MED12L: variants seen among roughly 807,000 people sequenced by gnomAD.
MED12L encodes mediator complex subunit 12L.
Under a neutral mutation model 281.3 loss-of-function variants are expected in MED12L, and 60 were observed. The ratio of observed to expected loss-of-function variants is 0.21; its 90% CI spans 0.17 to 0.26. The LOEUF is 0.26. Ranked by LOEUF, MED12L falls within the 10% of genes least tolerant of loss-of-function variation. The probability of loss-of-function intolerance (pLI) is 1.00; values close to 1 mark genes in which losing one functional copy is unlikely to be tolerated. For synonymous variants in MED12L, 974 were observed against 987.2 expected (o/e 0.99, Z 0.25); for missense variants, 2,146 against 2,680.9 (o/e 0.80, Z 4.41).
At chr3:151,405,662 C>A (rs1716212109) in intron 39 of MED12L, among the ~76,000 whole-genome samples, 1 of 152,102 alleles carries the variant, frequency 6.6e-6, no homozygotes. Context: ...TAAACAAAAA[C>A]AAACAAATCA....
At chr3:151,293,091 C>T (rs1184592906) in intron 16 of MED12L, among the ~76,000 whole-genome samples, 1 of 152,176 alleles carries the variant, frequency 6.6e-6, no homozygotes, top group Admixed American at 6.5e-5. Flanking sequence ...ATTAACCTCT[C>T]TGCTAAACCT....
chr3:151,390,673 A>G (rs1290172225), intron 38 of MED12L, among the ~76,000 whole-genome samples: 2 of 152,244 alleles, frequency 1.3e-5, no homozygotes, highest in African/African-American at 4.8e-5. Flanking sequence ...TGAAAAATGA[A>G]TTCAATTTTC....
In MED12L at chr3:151,119,976, TG is replaced by T. The variant is rs553833779; in HGVS notation, c.205-2801del. On this transcript the variant is annotated intron_variant, in intron 3 of 44. Transcript: ENST00000687756. ...GCTCACACCTGTAATCCCAGCACTT[TG>T]GGGGGCTGAGGCAGGTGGATTATCT... 5.0e-4 allele frequency among the ~76,000 whole-genome samples: 76 copies of T among 151,620 alleles called. 1 individual carries two copies. The highest frequency in any genetic ancestry group is 1.7e-3 in the African/African-American group (72 of 41,300).
intron 16 of MED12L, among the ~76,000 whole-genome samples, chr3:151,283,952 G>A (rs1577228382): frequency 6.6e-6 from 1 of 152,140 alleles, no homozygotes; most frequent in Non-Finnish European, 1.5e-5. Context: ...ATGACACGCC[G>A]CTTTATCAGA....
intron 16 of MED12L, chr3:151,337,763 G>A (rs1340995254): frequency 6.4e-7 from 1 of 1,556,222 alleles, no homozygotes; most frequent in Non-Finnish European, 8.8e-7. Flanking sequence ...TTAGCGCTTT[G>A]CTTTAACGAG....
chr3:151,340,103 T>C (rs1219313412), intron 16 of MED12L, among the ~76,000 whole-genome samples: 4 of 152,146 alleles, frequency 2.6e-5, no homozygotes, highest in Non-Finnish European at 5.9e-5. Flanking sequence ...ATTTTCAGCA[T>C]CTCCTCACCT....
chr3:151,277,711 A>G (rs1400969135), intron 16 of MED12L, among the ~76,000 whole-genome samples: 1 of 152,240 alleles, frequency 6.6e-6, no homozygotes, highest in Non-Finnish European at 1.5e-5. Context: ...ATGAACTCAA[A>G]TATTTGCTAT....
At chr3:151,093,314 C>A (rs1372076524) in intron 2 of MED12L, among the ~76,000 whole-genome samples, 1 of 152,114 alleles carries the variant, frequency 6.6e-6, no homozygotes, top group African/African-American at 2.4e-5. Flanking sequence ...TTAAAAAATG[C>A]AGATAAAGTG....
chr3:151,272,282 CTCAAG>C (rs1741094116), intron 16 of MED12L, among the ~76,000 whole-genome samples: 1 of 152,150 alleles, frequency 6.6e-6, no homozygotes, highest in Admixed American at 6.5e-5. Context: ...GTCAAGGTTT[CTCAAG>C]TCAAGAGGTC....
intron 16 of MED12L, among the ~76,000 whole-genome samples, chr3:151,291,153 T>G (rs1577244533): frequency 2.8e-5 from 1 of 35,224 alleles, no homozygotes; most frequent in South Asian, 1.3e-3. Flanking sequence ...GTTTTCTGTT[T>G]TTTTTTTTTT....
chr3:151,186,508 T>A (rs889251178), intron 12 of MED12L, among the ~76,000 whole-genome samples: 1 of 152,106 alleles, frequency 6.6e-6, no homozygotes, highest in Non-Finnish European at 1.5e-5. Context: ...TTCACCTTGG[T>A]ACTTCTACTC....
At chr3:151,275,864 G>T (rs1186835944) in intron 16 of MED12L, among the ~76,000 whole-genome samples, 3 of 152,124 alleles carry the variant, frequency 2.0e-5, no homozygotes, top group African/African-American at 7.2e-5. Context: ...TAGCTGTGCT[G>T]CTCAGACTTT....
At chr3:151,122,169 G>A (rs1444884403) in intron 3 of MED12L, among the ~76,000 whole-genome samples, 1 of 152,130 alleles carries the variant, frequency 6.6e-6, no homozygotes, top group Non-Finnish European at 1.5e-5. Context: ...CTCATTCAGA[G>A]CAGGTAATAC....
At chr3:151,248,987 A>G (rs1024538976) in intron 16 of MED12L, 3 of 152,200 alleles carry the variant, frequency 2.0e-5, no homozygotes, top group African/African-American at 7.2e-5. Flanking sequence ...CCAGTGGGAA[A>G]CACTGCATTA....
chr3:151,376,709 C>A (rs1164387551), intron 28 of MED12L, 91 bp from the exon 29 acceptor site: 2 of 1,040,590 alleles, frequency 1.9e-6, no homozygotes, highest in Non-Finnish European at 2.9e-6. Context: ...GATTATTCTG[C>A]TCTTTCTTGA....
chr3:151,432,922 T>C lies in MED12L; in HGVS notation c.*118T>C. ...TTTTCATTTCTTTGACATTTTACTATATTTTATGCTACATCTCACAAAAAA... is the reference window on the plus strand; with the variant it reads ...TTTTCATTTCTTTGACATTTTACTACATTTTATGCTACATCTCACAAAAAA... On this transcript the variant is annotated 3_prime_UTR_variant, in exon 45 of 45. Transcript: ENST00000687756. The C allele has an allele frequency of 1.4e-6, 1 of 719,174 alleles. No homozygotes were observed. Among genetic ancestry groups the C allele is most frequent in the Non-Finnish European group, 2.2e-6 (1 of 460,450 alleles). The allele number at this position is 719,174 out of a possible 1,614,324, so 44.5% of individuals were successfully genotyped here. A position where few individuals can be genotyped will look rare whatever the true frequency, so the allele number is the denominator to read the frequency against.
At chr3:151,368,784 C>G (rs1381838407) in intron 25 of MED12L, among the ~76,000 whole-genome samples, 1 of 132,846 alleles carries the variant, frequency 7.5e-6, no homozygotes, top group Non-Finnish European at 1.6e-5. Flanking sequence ...TTTTCCAAGA[C>G]AAAGTCTTAC....
intron 30 of MED12L, 37 bp downstream of exon 30, chr3:151,377,215 T>G (rs1756958200): frequency 6.4e-7 from 1 of 1,555,136 alleles, no homozygotes; most frequent in Admixed American, 1.9e-5. Flanking sequence ...CTGTCATGAA[T>G]TTTTCACAAG....
intron 5 of MED12L, among the ~76,000 whole-genome samples, chr3:151,141,174 T>TGTTTGTTTG (rs1383780730): frequency 2.3e-4 from 28 of 122,768 alleles, no homozygotes; most frequent in African/African-American, 1.0e-3. Flanking sequence ...GCGTTTTTTT[T>TGTTTGTTTG]TTTGTTTTTT....
Sources: allele counts gnomAD v4.1 joint callset (sites outside exome capture counted in the v4.1 genomes callset), GRCh38; gene constraint gnomAD v4.1.1; transcripts MANE v1.5; gene names NCBI Gene and HGNC (gene_info 2026-07-23, HGNC 2026-07-21).